The following PBX3 variants were observed in gnomAD, a reference collection of about 807,000 sequenced individuals.
The protein encoded by PBX3 is PBX homeobox 3, also known as pre-B-cell leukemia transcription factor 3.
A neutral mutation model predicts 48.5 loss-of-function variants in PBX3; 14 were observed. That is an observed-to-expected ratio of 0.29 (90% CI 0.19 to 0.45). PBX3 has a LOEUF of 0.45. Ranked by LOEUF, PBX3 falls within the 20% of genes least tolerant of loss-of-function variation. The probability of loss-of-function intolerance (pLI) is 1.00; values close to 1 mark genes in which losing one functional copy is unlikely to be tolerated. For missense variants in PBX3, 386 were observed against 546.7 expected (o/e 0.71, Z 2.93); for synonymous variants, 210 against 200.3 (o/e 1.05, Z -0.41).
At position 125,965,817 on chromosome 9, in the gene PBX3, G is replaced by A; in HGVS notation, c.1213-14G>A. ...TGTAGACGTGCACCCGTTGAACTGT[G>A]TTTCTCCTTTCAGGCTAATGGAGGC... On this transcript the variant is annotated splice_polypyrimidine_tract_variant and intron_variant, in intron 8 of 8. Coordinates refer to ENST00000373489, the MANE Select transcript of PBX3 (RefSeq NM_006195.6). The A allele has an allele frequency of 1.2e-6, 2 of 1,604,280 alleles. No individual in the cohort carries two copies. The highest frequency in any genetic ancestry group is 1.3e-5 in the African/African-American group (1 of 74,832).
At chr9:125,960,532 C>T (rs188194184) in intron 5 of PBX3, 152 bp from the exon 6 acceptor site, 356 of 656,234 alleles carry the variant, frequency 5.4e-4, no homozygotes, top group Non-Finnish European at 8.2e-4. Context: ...AAATAACCCC[C>T]AAAACCATTA....
At chr9:125,831,893 G>C (rs1235097570) in intron 2 of PBX3, among the ~76,000 whole-genome samples, 3 of 152,016 alleles carry the variant, frequency 2.0e-5, no homozygotes, top group African/African-American at 7.2e-5. Flanking sequence ...TCCTCCACCA[G>C]ATGTAGAATC....
At chr9:125,916,070 A>G in intron 3 of PBX3, 143 bp downstream of exon 3, 5 of 1,214,034 alleles carry the variant, frequency 4.1e-6, no homozygotes, top group Non-Finnish European at 5.6e-6. Flanking sequence ...AATCCAAGTG[A>G]ATTGTTGGAT....
At chr9:125,911,945 G>T (rs1359636653) in intron 2 of PBX3, among the ~76,000 whole-genome samples, 1 of 152,062 alleles carries the variant, frequency 6.6e-6, no homozygotes, top group Non-Finnish European at 1.5e-5. Context: ...TCTAATTCAG[G>T]ACCACGTGTA....
At chr9:125,916,946 A>G (rs562114903) in intron 3 of PBX3, among the ~76,000 whole-genome samples, 147 of 152,332 alleles carry the variant, frequency 9.6e-4, no homozygotes, top group Admixed American at 4.1e-3. Context: ...AAACAGTTGA[A>G]TATGGTAATT....
At chr9:125,864,997 A>G (rs891215756) in intron 2 of PBX3, among the ~76,000 whole-genome samples, 4 of 152,208 alleles carry the variant, frequency 2.6e-5, no homozygotes, top group Non-Finnish European at 4.4e-5. Flanking sequence ...TTTTATTTTT[A>G]TCAGTTGTGC....
chr9:125,948,108 G>A (rs1233398543), intron 5 of PBX3, among the ~76,000 whole-genome samples: 1 of 152,222 alleles, frequency 6.6e-6, no homozygotes, highest in East Asian at 1.9e-4. Flanking sequence ...ATTCCCAGAG[G>A]TTCTGATTCA....
rs543044565 is a variant in PBX3 at position 125,798,323 on chromosome 9, A to G, written c.274+49700A>G. ...TGTTGGTACATTTGTCTATAATTAC[A>G]CACAAGTTCTCAGTCATTATTAATG... On this transcript the variant is annotated intron_variant, in intron 2 of 8. Transcript: ENST00000373489. Among the ~76,000 whole-genome samples the G allele has an allele frequency of 3.9e-5, 6 of 152,268 alleles. No individual in the cohort carries two copies. In the South Asian group the frequency reaches 1.2e-3, roughly 32 times the overall value.
intron 2 of PBX3, among the ~76,000 whole-genome samples, chr9:125,830,371 C>CTGAA (rs1051950874): frequency 4.6e-5 from 7 of 152,028 alleles, no homozygotes; most frequent in African/African-American, 1.7e-4. Context: ...TTAAATTTAA[C>CTGAA]TGAAGTATAG....
intron 2 of PBX3, among the ~76,000 whole-genome samples, chr9:125,822,679 G>A (rs1838687223): frequency 6.6e-6 from 1 of 152,052 alleles, no homozygotes; most frequent in South Asian, 2.1e-4. Context: ...ACTTGTCTTT[G>A]AGTTCAACTT....
At chr9:125,848,127 A>G (rs759340310) in intron 2 of PBX3, among the ~76,000 whole-genome samples, 10 of 151,972 alleles carry the variant, frequency 6.6e-5, no homozygotes, top group Non-Finnish European at 1.0e-4. Context: ...GCTTTAGAGA[A>G]CAGATCTCTC....
chr9:125,851,398 G>T (rs1839573365), intron 2 of PBX3, among the ~76,000 whole-genome samples: 1 of 151,904 alleles, frequency 6.6e-6, no homozygotes, highest in Non-Finnish European at 1.5e-5. Flanking sequence ...AGGTAAAAAA[G>T]ACAGCCATTG....
intron 4 of PBX3, 87 bp from the exon 5 acceptor site, chr9:125,935,385 A>G: frequency 8.7e-7 from 1 of 1,148,522 alleles, no homozygotes; most frequent in Non-Finnish European, 1.3e-6. Context: ...AGAGAAATCT[A>G]CTTTTTTGGT....
intron 2 of PBX3, among the ~76,000 whole-genome samples, chr9:125,767,538 AG>A (rs1283384477): frequency 6.6e-6 from 1 of 152,182 alleles, no homozygotes; most frequent in East Asian, 1.9e-4. Context: ...TTTTTAGTGT[AG>A]TTTCCTATGT....
intron 5 of PBX3, chr9:125,949,251 T>C (rs1298902293): frequency 8.5e-7 from 1 of 1,182,538 alleles, no homozygotes; most frequent in Non-Finnish European, 1.2e-6. Context: ...GATAATTTGC[T>C]CAGGGGATTC....
intron 5 of PBX3, among the ~76,000 whole-genome samples, chr9:125,940,583 A>G (rs1167865213): frequency 6.6e-6 from 1 of 152,260 alleles, no homozygotes; most frequent in Non-Finnish European, 1.5e-5. Context: ...AGCCAAAACT[A>G]GAAACAATGC....
chr9:125,791,569 C>T (rs1397760480), intron 2 of PBX3, among the ~76,000 whole-genome samples: 4 of 152,256 alleles, frequency 2.6e-5, no homozygotes, highest in Non-Finnish European at 5.9e-5. Flanking sequence ...CCCTCTCTTC[C>T]TCCTGTGCTC....
At chr9:125,791,986 T>TC in intron 2 of PBX3, among the ~76,000 whole-genome samples, 1 of 152,132 alleles carries the variant, frequency 6.6e-6, no homozygotes, top group East Asian at 1.9e-4. Context: ...TTATAAATTA[T>TC]CCAGTCTTAG....
intron 2 of PBX3, among the ~76,000 whole-genome samples, chr9:125,796,789 A>G (rs1837794119): frequency 6.6e-6 from 1 of 152,076 alleles, no homozygotes; most frequent in Non-Finnish European, 1.5e-5. Flanking sequence ...TTTATATAAT[A>G]TATAAAAATA....
Sources: gnomAD v4.1 joint callset for allele counts (sites outside exome capture counted in the v4.1 genomes callset) on GRCh38, gnomAD v4.1.1 for gene constraint, MANE v1.5 for transcripts, NCBI Gene and HGNC (gene_info 2026-07-23, HGNC 2026-07-21) for gene names.